RBFOX1: variants seen among roughly 807,000 people sequenced by gnomAD.
The protein encoded by RBFOX1 is RNA binding protein fox-1 homolog 1.
A neutral mutation model predicts 57.7 loss-of-function variants in RBFOX1; 8 were observed. The observed-to-expected ratio is 0.14, with a 90% confidence interval of 0.08 to 0.25. The LOEUF is 0.25. Ranked by LOEUF, RBFOX1 falls within the 10% of genes least tolerant of loss-of-function variation. RBFOX1 has a pLI of 1.00. For synonymous variants in RBFOX1, 326 were observed against 222.4 expected, an observed-to-expected ratio of 1.47 and a Z score of -4.15; for missense variants, 611 against 548.5, an observed-to-expected ratio of 1.11 and a Z score of -1.14.
At chr16:5,345,457 C>G (rs1255553177) in intron 1 of RBFOX1, among the ~76,000 whole-genome samples, 2 of 152,228 alleles carry the variant, frequency 1.3e-5, no homozygotes, top group African/African-American at 4.8e-5. Context: ...CAGCCGCTGT[C>G]CACTTCCATC....
chr16:6,744,144 G>A (rs1385382100), intron 3 of RBFOX1, among the ~76,000 whole-genome samples: 6 of 152,038 alleles, frequency 3.9e-5, no homozygotes, highest in African/African-American at 9.7e-5. Flanking sequence ...GATAAAGAAG[G>A]TAATTTCACA....
At chr16:7,081,274 A>G (rs144349545) in intron 4 of RBFOX1, among the ~76,000 whole-genome samples, 1,974 of 152,278 alleles carry the variant, frequency 0.013, 55 homozygotes, top group African/African-American at 0.045. Flanking sequence ...ACCTCAAGTG[A>G]TCCACCAGCC....
Position 5,670,697 on chromosome 16 carries a change from C to T in RBFOX1, c.318+71736C>T, listed in dbSNP as rs77906529. 5.2e-3 allele frequency among the ~76,000 whole-genome samples: 796 copies of T among 152,354 alleles called. 5 individuals carry two copies. The highest frequency in any genetic ancestry group is 0.018 in the African/African-American group (767 of 41,586). ...CTAGGCACCTCACAGGGTTATCCTT[C>T]TTACTAGTTCAACTGTTAGAGTTTA... is the stretch of plus-strand genomic sequence containing the variant. On this transcript the variant is annotated intron_variant, in intron 3 of 19. Coordinates refer to the RBFOX1 transcript ENST00000641259.
At position 6,764,421 on chromosome 16, in the gene RBFOX1, C is replaced by G. The variant is rs535160817; in HGVS notation, c.-16+109771C>G. Among the ~76,000 whole-genome samples, 3 of 152,272 alleles carry G rather than the reference C, an allele frequency of 2.0e-5. No homozygotes were observed. The East Asian group carries it at 5.8e-4, about 29-fold the overall frequency. On this transcript the variant is annotated intron_variant, in intron 3 of 15. Coordinates refer to ENST00000550418, the MANE Select transcript of RBFOX1 (RefSeq NM_018723.4). ...AGCCCATTCTTAGTTCTGTTACCAG[C>G]AGGTAATGCAGGTTAGCTTGATGAG...
chr16:5,400,238 C>T (rs529850560), intron 1 of RBFOX1, among the ~76,000 whole-genome samples: 2 of 151,928 alleles, frequency 1.3e-5, no homozygotes, highest in Non-Finnish European at 2.9e-5. Flanking sequence ...ATTACAGGTG[C>T]TTGCCACCAC....
At chr16:7,166,056 C>T (rs1367292207) in intron 4 of RBFOX1, among the ~76,000 whole-genome samples, 3 of 151,892 alleles carry the variant, frequency 2.0e-5, no homozygotes, top group Non-Finnish European at 4.4e-5. Flanking sequence ...TTCTGTTGCC[C>T]AGGTTGGAGT....
Position 7,587,860 on chromosome 16 carries a change from A to G in RBFOX1, c.468+560A>G, listed in dbSNP as rs578030403. Among the ~76,000 whole-genome samples the G allele has an allele frequency of 1.3e-3, 195 of 152,296 alleles. 2 individuals carry two copies. Among genetic ancestry groups the G allele is most frequent in the African/African-American group, 4.5e-3 (186 of 41,554 alleles). On this transcript the variant is annotated intron_variant, in intron 7 of 15. Transcript: ENST00000550418. ...CTAATAAAAGTCAGGGGCTCTATGG[A>G]GAGGTTTGGGTTCAGGAGAGGTTCT...
chr16:6,343,051 T>C (rs1175276680), intron 2 of RBFOX1, among the ~76,000 whole-genome samples: 1 of 152,198 alleles, frequency 6.6e-6, no homozygotes, highest in African/African-American at 2.4e-5. Flanking sequence ...ATTTTACTTT[T>C]AAATCCATCA....
intron 1 of RBFOX1, among the ~76,000 whole-genome samples, chr16:5,463,512 C>T (rs2068855326): frequency 6.6e-6 from 1 of 151,994 alleles, no homozygotes; most frequent in African/African-American, 2.4e-5. Flanking sequence ...TAAACCAGTT[C>T]ATGGTGGCCG....
chr16:7,670,959 C>G (rs1051605082), intron 13 of RBFOX1, among the ~76,000 whole-genome samples: 7 of 152,190 alleles, frequency 4.6e-5, no homozygotes, highest in African/African-American at 1.4e-4. Flanking sequence ...TATATTAACA[C>G]TAGTTTACAC....
intron 2 of RBFOX1, among the ~76,000 whole-genome samples, chr16:6,456,380 C>T (rs2094773612): frequency 6.6e-6 from 1 of 152,086 alleles, no homozygotes; most frequent in South Asian, 2.1e-4. Context: ...ATGGTCATAG[C>T]TTACTGCTGT....
intron 3 of RBFOX1, among the ~76,000 whole-genome samples, chr16:6,904,650 C>G (rs1281880443): frequency 7.5e-6 from 1 of 133,548 alleles, no homozygotes; most frequent in Non-Finnish European, 1.6e-5. Context: ...AAGAAAAATT[C>G]ATACATCTTG....
At chr16:5,313,971 G>A (rs1445765981) in intron 1 of RBFOX1, among the ~76,000 whole-genome samples, 2 of 152,144 alleles carry the variant, frequency 1.3e-5, no homozygotes, top group Non-Finnish European at 2.9e-5. Context: ...CTCTGGGTAA[G>A]GTTGTAGCTT....
At chr16:7,243,267 C>A (rs1023571241) in intron 4 of RBFOX1, among the ~76,000 whole-genome samples, 3 of 152,130 alleles carry the variant, frequency 2.0e-5, no homozygotes, top group Non-Finnish European at 2.9e-5. Flanking sequence ...TCCAAACCAG[C>A]CTATAGGCGT....
chr16:7,406,017 A>G (rs376078841), intron 4 of RBFOX1, among the ~76,000 whole-genome samples: 2 of 152,202 alleles, frequency 1.3e-5, no homozygotes, highest in African/African-American at 4.8e-5. Flanking sequence ...CACACAGAGC[A>G]TATCCCCCAC....
At chr16:7,013,455 C>G (rs527355127) in intron 3 of RBFOX1, among the ~76,000 whole-genome samples, 84 of 152,314 alleles carry the variant, frequency 5.5e-4, no homozygotes, top group African/African-American at 1.9e-3. Flanking sequence ...GAGGATGCTA[C>G]TCGCATCTAG....
At chr16:7,122,780 C>G (rs1378321893) in intron 4 of RBFOX1, among the ~76,000 whole-genome samples, 1 of 152,118 alleles carries the variant, frequency 6.6e-6, no homozygotes, top group Admixed American at 6.5e-5. Context: ...TATAGCAACT[C>G]TACCATAGCC....
At chr16:5,880,881 A>T (rs187867594) in intron 4 of RBFOX1, among the ~76,000 whole-genome samples, 86 of 152,380 alleles carry the variant, frequency 5.6e-4, no homozygotes, top group Middle Eastern at 3.4e-3. Flanking sequence ...TTCTTTGTTA[A>T]CACATTGAAC....
At chr16:6,788,181 C>G (rs914686448) in intron 3 of RBFOX1, among the ~76,000 whole-genome samples, 3 of 152,084 alleles carry the variant, frequency 2.0e-5, no homozygotes, top group Admixed American at 1.3e-4. Context: ...GAGATCGTGC[C>G]AGTGCACTCC....
Sources: gnomAD v4.1 joint callset for allele counts (sites outside exome capture counted in the v4.1 genomes callset) on GRCh38, gnomAD v4.1.1 for gene constraint, MANE v1.5 for transcripts, NCBI Gene and HGNC (gene_info 2026-07-23, HGNC 2026-07-21) for gene names.